The following HAPSTR1 variants were observed in gnomAD, a reference collection of about 807,000 sequenced individuals.
The protein encoded by HAPSTR1 is HUWE1-associated protein modifying stress responses 1.
the HAPSTR1 span, among the ~76,000 whole-genome samples, chr16:9,115,078 G>A: frequency 6.6e-6 from 1 of 152,088 alleles, no homozygotes; most frequent in East Asian, 1.9e-4. Context: ...CCTAGAGTGC[G>A]GAGTTGAGCA....
the HAPSTR1 span, among the ~76,000 whole-genome samples, chr16:9,099,256 G>T: frequency 5.6e-4 from 82 of 147,194 alleles, no homozygotes; most frequent in South Asian, 0.018. Flanking sequence ...GGAGTGCCAT[G>T]GTGCAATCTT....
the HAPSTR1 span, among the ~76,000 whole-genome samples, chr16:9,097,985 A>T: frequency 6.6e-6 from 1 of 152,146 alleles, no homozygotes; most frequent in Non-Finnish European, 1.5e-5. Context: ...TGCTTTTAGG[A>T]AGGGGAGGAC....
the HAPSTR1 span, chr16:9,111,179 C>G: frequency 6.6e-6 from 1 of 152,264 alleles, no homozygotes; most frequent in Non-Finnish European, 1.5e-5. Flanking sequence ...GAAACCCACA[C>G]TCTCAGCAGT....
the HAPSTR1 span, chr16:9,104,811 A>C: frequency 2.0e-5 from 3 of 152,224 alleles, no homozygotes; most frequent in Admixed American, 6.5e-5. Context: ...AGTTTGGGAA[A>C]ACAATTAACT....
At chr16:9,115,083 T>C in the HAPSTR1 span, among the ~76,000 whole-genome samples, 6 of 152,094 alleles carry the variant, frequency 3.9e-5, no homozygotes, top group African/African-American at 1.4e-4. Flanking sequence ...AGTGCGGAGT[T>C]GAGCACCTCA....
At chr16:9,121,334 G>T in the HAPSTR1 span, 5 of 152,232 alleles carry the variant, frequency 3.3e-5, no homozygotes, top group African/African-American at 1.2e-4. Flanking sequence ...ATACTGATGG[G>T]TCTTGCCAAA....
the HAPSTR1 span, chr16:9,103,005 G>A: frequency 2.5e-6 from 4 of 1,613,774 alleles, no homozygotes; most frequent in Non-Finnish European, 1.7e-6. Flanking sequence ...ACCCATCAAC[G>A]AAGTTTTGAT....
chr16:9,093,096 C>T, the HAPSTR1 span: 5 of 1,226,568 alleles, frequency 4.1e-6, no homozygotes, highest in African/African-American at 1.5e-5. Context: ...GCTCCCCAGC[C>T]CAGCTGCTAA....
the HAPSTR1 span, among the ~76,000 whole-genome samples, chr16:9,095,071 CAT>C: frequency 6.6e-6 from 1 of 152,228 alleles, no homozygotes; most frequent in Non-Finnish European, 1.5e-5. Flanking sequence ...GAAAACATCA[CAT>C]ATGATTCTTG....
chr16:9,100,306 C>G, the HAPSTR1 span, among the ~76,000 whole-genome samples: 1 of 152,156 alleles, frequency 6.6e-6, no homozygotes, highest in Non-Finnish European at 1.5e-5. Context: ...ACTGAGTTTT[C>G]CCGATGTTCA....
At chr16:9,092,458 G>C in the HAPSTR1 span, among the ~76,000 whole-genome samples, 1 of 152,072 alleles carries the variant, frequency 6.6e-6, no homozygotes, top group Non-Finnish European at 1.5e-5. Context: ...GCCCGGGGTT[G>C]GGGGGACAGG....
the HAPSTR1 span, among the ~76,000 whole-genome samples, chr16:9,100,120 AGG>A: frequency 6.6e-6 from 1 of 152,196 alleles, no homozygotes; most frequent in Non-Finnish European, 1.5e-5. Context: ...CTAGTCTGTA[AGG>A]GTAGTGTTTG....
chr16:9,102,450 C>T, the HAPSTR1 span, among the ~76,000 whole-genome samples: 1 of 152,266 alleles, frequency 6.6e-6, no homozygotes, highest in African/African-American at 2.4e-5. Flanking sequence ...AATGAGTATA[C>T]CCAGGGAAAT....
At chr16:9,092,399 T>C in the HAPSTR1 span, 2 of 804,266 alleles carry the variant, frequency 2.5e-6, no homozygotes. Context: ...GGCCGGTGGC[T>C]CCGCGGCCCT....
the HAPSTR1 span, chr16:9,120,677 T>A: frequency 7.0e-6 from 1 of 141,860 alleles, no homozygotes; most frequent in East Asian, 2.0e-4. Context: ...TGAAATCTTT[T>A]TTTTTTTTTT....
chr16:9,098,689 C>G, the HAPSTR1 span, among the ~76,000 whole-genome samples: 1 of 152,262 alleles, frequency 6.6e-6, no homozygotes, highest in Admixed American at 6.5e-5. Context: ...AAATATTTTT[C>G]TGTGTGGTGG....
the HAPSTR1 span, chr16:9,106,026 T>C: frequency 6.6e-6 from 1 of 152,200 alleles, no homozygotes; most frequent in East Asian, 1.9e-4. Context: ...AGACAGAGTA[T>C]GACAATGAAT....
chr16:9,117,160 C>T, the HAPSTR1 span: 1 of 492,608 alleles, frequency 2.0e-6, no homozygotes, highest in Non-Finnish European at 3.6e-6. Context: ...GCAAGATCAT[C>T]ATAGGCAAAC....
At chr16:9,116,736 A>G in the HAPSTR1 span, 18 of 1,614,226 alleles carry the variant, frequency 1.1e-5, no homozygotes, top group African/African-American at 1.3e-5. Context: ...ACATGTAAGC[A>G]GTGGATCGAA....
Sources: allele counts gnomAD v4.1 joint callset (sites outside exome capture counted in the v4.1 genomes callset), GRCh38; gene constraint gnomAD v4.1.1; transcripts MANE v1.5; gene names NCBI Gene and HGNC (gene_info 2026-07-23, HGNC 2026-07-21).